Variants in PDE8A observed in about 807,000 individuals in gnomAD.
PDE8A encodes phosphodiesterase 8A.
In PDE8A, 59 loss-of-function variants were observed where a neutral mutation model predicts 105.0. The observed-to-expected ratio is 0.56, with a 90% CI of 0.46 to 0.70. The LOEUF (loss-of-function observed/expected upper bound fraction) is 0.70, where lower values mean the gene tolerates loss of function less well. PDE8A is among the 30% of genes least tolerant of loss of function. The probability of loss-of-function intolerance (pLI) is 0.00; values close to 1 mark genes in which losing one functional copy is unlikely to be tolerated. For missense variants in PDE8A, 1,014 were observed against 1,045.9 expected (o/e 0.97, Z 0.42); for synonymous variants, 355 against 371.9 (o/e 0.95, Z 0.52).
At chr15:85,045,010 C>T (rs1295145411) in intron 1 of PDE8A, among the ~76,000 whole-genome samples, 1 of 152,196 alleles carries the variant, frequency 6.6e-6, no homozygotes, top group Non-Finnish European at 1.5e-5. Context: ...TGACCTTCTT[C>T]CTCTTTGTTT....
chr15:85,098,858 G>A (rs898438928), intron 9 of PDE8A, among the ~76,000 whole-genome samples: 4 of 151,986 alleles, frequency 2.6e-5, no homozygotes, highest in Admixed American at 2.0e-4. Flanking sequence ...TCAGGGGGCC[G>A]ATGTGGGAGA....
At chr15:85,111,838 G>T (rs756072507) in intron 12 of PDE8A, among the ~76,000 whole-genome samples, 5 of 152,086 alleles carry the variant, frequency 3.3e-5, no homozygotes, top group Admixed American at 6.6e-5. Flanking sequence ...ATTTATTTAG[G>T]CTGTCTTTGT....
chr15:85,118,867 C>A (rs1390725380), intron 17 of PDE8A, among the ~76,000 whole-genome samples: 1 of 152,196 alleles, frequency 6.6e-6, no homozygotes, highest in African/African-American at 2.4e-5. Context: ...ACATCTGGCA[C>A]ACACAGGGAG....
chr15:85,024,572 A>T (rs1303117300), intron 1 of PDE8A, among the ~76,000 whole-genome samples: 4 of 147,802 alleles, frequency 2.7e-5, no homozygotes. Context: ...TTCACCCTCT[A>T]TTACTCCTAC....
Position 85,088,347 on chromosome 15 carries a change from G to GATTTGCGTATTCTGGAC in PDE8A, c.636-986_636-970dup, listed in dbSNP as rs1288026868. Among the ~76,000 whole-genome samples the GATTTGCGTATTCTGGAC allele has an allele frequency of 3.6e-4, 55 of 152,326 alleles. 2 individuals carry two copies. In the South Asian group the frequency reaches 0.011, roughly 30 times the overall value. On this transcript the variant is annotated intron_variant, in intron 6 of 21. Transcript: ENST00000394553. ...GCCCAATCTACTTTCTGTCTCTGCA[G>GATTTGCGTATTCTGGAC]ATTTGCGTATTCTGGACATTTCATA...
In PDE8A at chr15:85,138,058, C is replaced by T. The variant is rs995515830; in HGVS notation, c.*155C>T. On this transcript the variant is annotated 3_prime_UTR_variant, in exon 22 of 22. Transcript: ENST00000394553. ...CCACGGGGACATCAGTAACCTTCTG[C>T]AGCCACCATCCAATGCCATTACTGT... The T allele has an allele frequency of 3.5e-6, 2 of 565,836 alleles. No individual in the cohort carries two copies. Among genetic ancestry groups the T allele is most frequent in the Non-Finnish European group, 6.3e-6 (2 of 315,820 alleles). The allele number at this position is 565,836 out of a possible 1,614,324, so 35.1% of individuals were successfully genotyped here.
chr15:85,109,683 G>A (rs1231815749), intron 12 of PDE8A, among the ~76,000 whole-genome samples: 1 of 152,160 alleles, frequency 6.6e-6, no homozygotes, highest in Non-Finnish European at 1.5e-5. Context: ...TACATTCTTT[G>A]GCCCAAAAAT....
intron 1 of PDE8A, among the ~76,000 whole-genome samples, chr15:85,051,977 C>T (rs964847093): frequency 8.6e-5 from 13 of 151,814 alleles, no homozygotes; most frequent in Admixed American, 4.6e-4. Context: ...CCCCCCTCCC[C>T]ACACCCCACA....
At position 85,030,415 on chromosome 15, in the gene PDE8A, A is replaced by G. The variant is rs949599009; in HGVS notation, c.187-33955A>G. Among the ~76,000 whole-genome samples, 4 of 151,952 alleles carry G rather than the reference A, an allele frequency of 2.6e-5. No homozygotes were observed. In the South Asian group the frequency reaches 8.3e-4, roughly 32 times the overall value. On this transcript the variant is annotated intron_variant, in intron 1 of 21. Coordinates refer to ENST00000394553, the MANE Select transcript of PDE8A (RefSeq NM_002605.3). ...TTCCTGTGAGAAGTGAGAATTAGTC[A>G]CTCACTTCCAGTGCTAAGCATAATC...
intron 17 of PDE8A, 156 bp from the exon 18 acceptor site, chr15:85,120,641 T>G: frequency 1.7e-6 from 1 of 576,764 alleles, no homozygotes; most frequent in Non-Finnish European, 3.1e-6. Context: ...TGTTTCAGGG[T>G]GGAGATAGGA....
At chr15:85,052,043 A>T (rs1394770012) in intron 1 of PDE8A, among the ~76,000 whole-genome samples, 2 of 150,890 alleles carry the variant, frequency 1.3e-5, no homozygotes, top group African/African-American at 4.9e-5. Flanking sequence ...TCATTGTTCA[A>T]TTCCCACCTA....
intron 11 of PDE8A, among the ~76,000 whole-genome samples, chr15:85,103,540 C>G (rs2081900010): frequency 6.6e-6 from 1 of 152,212 alleles, no homozygotes; most frequent in Non-Finnish European, 1.5e-5. Flanking sequence ...ATGGGCCAGC[C>G]AAAGTCCTTG....
At chr15:85,022,422 A>T (rs1427044045) in intron 1 of PDE8A, among the ~76,000 whole-genome samples, 2 of 113,388 alleles carry the variant, frequency 1.8e-5, no homozygotes, top group Non-Finnish European at 3.6e-5. Context: ...TGGGTATTGG[A>T]AGTGTTTTTT....
At chr15:85,066,522 C>G (rs2081227423) in intron 2 of PDE8A, among the ~76,000 whole-genome samples, 1 of 151,226 alleles carries the variant, frequency 6.6e-6, no homozygotes, top group African/African-American at 2.4e-5. Context: ...TGACATCACA[C>G]CACTGTACAC....
intron 8 of PDE8A, among the ~76,000 whole-genome samples, chr15:85,091,901 CT>C (rs563631633): frequency 6.0e-4 from 53 of 88,414 alleles, no homozygotes; most frequent in Admixed American, 9.6e-4. Flanking sequence ...TTCTGCTGGA[CT>C]TTTTTTTTTT....
intron 19 of PDE8A, among the ~76,000 whole-genome samples, 187 bp downstream of exon 19, chr15:85,123,380 ACACAC>A (rs2082213107): frequency 7.3e-6 from 1 of 136,530 alleles, no homozygotes; most frequent in African/African-American, 2.6e-5. Flanking sequence ...ACACACACAC[ACACAC>A]AAAGGGGAGT....
chr15:84,994,842 T>TA (rs1308379090), intron 1 of PDE8A, among the ~76,000 whole-genome samples: 2 of 151,916 alleles, frequency 1.3e-5, no homozygotes, highest in East Asian at 1.9e-4. Flanking sequence ...CAGGTGCCTA[T>TA]AATCCTAGCT....
In PDE8A at chr15:84,982,310, C is replaced by G. The variant is rs1319937100; in HGVS notation, c.148C>G (p.Leu50Val). The G allele has an allele frequency of 7.4e-7, 1 of 1,343,546 alleles. No individual in the cohort carries two copies. Among genetic ancestry groups the G allele is most frequent in the Non-Finnish European group, 9.5e-7 (1 of 1,053,534 alleles). The allele number at this position is 1,343,546 out of a possible 1,614,324, so 83.2% of individuals were successfully genotyped here. A position where few individuals can be genotyped will look rare whatever the true frequency, so the allele number is the denominator to read the frequency against. ...AALPRTRGAG[L>V]LESELRDGSG... is the part of the protein sequence containing the mutation. ...CTTGCCCCGGACCCGCGGCGCCGGC[C>G]TCTTGGAGTCGGAGCTTCGCGACGG... Residue 50 changes from leucine to valine, a missense_variant, in exon 1 of 22, where the codon CTC becomes GTC. Coordinates refer to ENST00000394553, the MANE Select transcript of PDE8A (RefSeq NM_002605.3).
intron 1 of PDE8A, among the ~76,000 whole-genome samples, chr15:84,984,978 C>T (rs1001120348): frequency 1.3e-5 from 2 of 151,806 alleles, no homozygotes; most frequent in South Asian, 2.1e-4. Flanking sequence ...AAGAGATATG[C>T]GGCCTATACT....
Sources: gnomAD v4.1 joint callset for allele counts (sites outside exome capture counted in the v4.1 genomes callset) on GRCh38, gnomAD v4.1.1 for gene constraint, MANE v1.5 for transcripts, NCBI Gene and HGNC (gene_info 2026-07-23, HGNC 2026-07-21) for gene names.